The following PRKG1 variants were observed in gnomAD, a reference collection of about 807,000 sequenced individuals.
PRKG1 encodes the protein cGMP-dependent protein kinase 1.
PRKG1 carries 35 observed loss-of-function variants against 88.1 expected under a neutral mutation model. That is an observed-to-expected ratio of 0.40 (90% CI 0.30 to 0.53). The LOEUF is 0.53. Ranked by LOEUF, PRKG1 falls within the 20% of genes least tolerant of loss-of-function variation. The pLI is 0.59. For synonymous variants in PRKG1, 303 were observed against 292.5 expected, an observed-to-expected ratio of 1.04 and a Z score of -0.37; for missense variants, 540 against 839.8, an observed-to-expected ratio of 0.64 and a Z score of 4.41.
chr10:52,170,390 A>T (rs1838633059), intron 9 of PRKG1, among the ~76,000 whole-genome samples: 1 of 152,196 alleles, frequency 6.6e-6, no homozygotes, highest in Non-Finnish European at 1.5e-5. Context: ...ATTAGAAGTA[A>T]ACAAGAAAGA....
intron 9 of PRKG1, among the ~76,000 whole-genome samples, chr10:52,224,887 A>G (rs1179215131): frequency 1.4e-5 from 2 of 147,670 alleles, no homozygotes; most frequent in African/African-American, 5.0e-5. Context: ...TCATTGATTG[A>G]TGGGCATTTG....
intron 5 of PRKG1, among the ~76,000 whole-genome samples, chr10:52,042,692 C>T (rs1845779111): frequency 6.6e-6 from 1 of 152,034 alleles, no homozygotes; most frequent in South Asian, 2.1e-4. Context: ...ACCTCAAAAG[C>T]ACAGGCAACA....
At chr10:52,089,359 AT>A (rs1846993988) in intron 7 of PRKG1, among the ~76,000 whole-genome samples, 1 of 152,210 alleles carries the variant, frequency 6.6e-6, no homozygotes, top group Admixed American at 6.5e-5. Context: ...CTTGAATTAC[AT>A]TTGGTTGGCC....
At chr10:51,245,958 GA>G (rs916320598) in intron 2 of PRKG1, among the ~76,000 whole-genome samples, 2 of 152,092 alleles carry the variant, frequency 1.3e-5, no homozygotes, top group African/African-American at 4.8e-5. Context: ...AAACAATCCA[GA>G]ATGGCTTGAG....
intron 5 of PRKG1, among the ~76,000 whole-genome samples, chr10:52,016,845 T>TA (rs2133182678): frequency 1.3e-5 from 2 of 151,964 alleles, no homozygotes; most frequent in South Asian, 4.2e-4. Context: ...CAGAACAAGG[T>TA]AAAATACAGA....
rs535491195 is a variant in PRKG1, at chr10:51,489,366, C to T, written c.592+21530C>T. On this transcript the variant is annotated intron_variant, in intron 3 of 17. Coordinates refer to ENST00000373980, the MANE Select transcript of PRKG1 (RefSeq NM_006258.4). The stretch of plus-strand genomic sequence containing the variant: ...GAATGAATTTTGGGATTTGAAGACC[C>T]CATGTTGAGCAATGAGGCACAGTGG... Among the ~76,000 whole-genome samples the T allele has an allele frequency of 2.6e-5, 4 of 152,192 alleles. No homozygotes were observed. The East Asian group carries it at 7.8e-4, about 29-fold the overall frequency.
intron 9 of PRKG1, among the ~76,000 whole-genome samples, chr10:52,238,429 AG>A (rs1261719663): frequency 1.3e-5 from 2 of 151,144 alleles, no homozygotes; most frequent in Non-Finnish European, 1.5e-5. Context: ...CATCTGACAA[AG>A]GGCTAATATC....
At chr10:51,231,797 C>T (rs1249044484) in intron 2 of PRKG1, among the ~76,000 whole-genome samples, 1 of 151,872 alleles carries the variant, frequency 6.6e-6, no homozygotes, top group Non-Finnish European at 1.5e-5. Flanking sequence ...TTAGTGGCTA[C>T]CAAGCCAAGT....
intron 1 of PRKG1, among the ~76,000 whole-genome samples, chr10:51,137,632 T>C (rs1845720856): frequency 1.3e-5 from 2 of 152,134 alleles, no homozygotes; most frequent in South Asian, 4.2e-4. Context: ...AGGTAGCCAG[T>C]AAAGAAATAA....
intron 5 of PRKG1, among the ~76,000 whole-genome samples, chr10:51,967,463 G>A (rs1005607355): frequency 6.6e-6 from 1 of 151,944 alleles, no homozygotes; most frequent in Non-Finnish European, 1.5e-5. Context: ...TAATGTATAC[G>A]ACGTGTTAAT....
chr10:51,520,591 T>C (rs1022765414), intron 3 of PRKG1, among the ~76,000 whole-genome samples: 1 of 152,032 alleles, frequency 6.6e-6, no homozygotes, highest in Non-Finnish European at 1.5e-5. Flanking sequence ...TTGATATGAT[T>C]AAAACCCAAG....
chr10:51,129,191 C>A (rs943732989), intron 1 of PRKG1, among the ~76,000 whole-genome samples: 25 of 152,244 alleles, frequency 1.6e-4, no homozygotes, highest in African/African-American at 5.8e-4. Flanking sequence ...AAGACATAAA[C>A]AGGGCCGGGT....
intron 2 of PRKG1, among the ~76,000 whole-genome samples, chr10:51,259,746 G>A (rs1016967409): frequency 1.3e-5 from 2 of 152,160 alleles, no homozygotes; most frequent in African/African-American, 4.8e-5. Context: ...AAAGTGCTGC[G>A]ATTACAGGCA....
chr10:51,780,764 A>C (rs551377367), intron 3 of PRKG1, among the ~76,000 whole-genome samples: 1 of 152,218 alleles, frequency 6.6e-6, no homozygotes, highest in South Asian at 2.1e-4. Flanking sequence ...ATGATTGGGG[A>C]ATTTTCTTCC....
intron 2 of PRKG1, among the ~76,000 whole-genome samples, chr10:51,216,386 T>C (rs2132082275): frequency 6.6e-6 from 1 of 152,348 alleles, no homozygotes. Context: ...GATTCTGTTA[T>C]AATGTTTAAG....
chr10:52,121,642 G>T (rs1275010185), intron 7 of PRKG1, among the ~76,000 whole-genome samples: 1 of 152,162 alleles, frequency 6.6e-6, no homozygotes, highest in Non-Finnish European at 1.5e-5. Context: ...AATTCAGCCA[G>T]GTTCTTTGCC....
intron 3 of PRKG1, among the ~76,000 whole-genome samples, chr10:51,575,089 A>C (rs761521473): frequency 1.1e-4 from 17 of 152,014 alleles, no homozygotes; most frequent in Admixed American, 7.2e-4. Flanking sequence ...TCACGGCTAC[A>C]AGTGAGAGCT....
At chr10:51,988,139 T>G (rs965522762) in intron 5 of PRKG1, among the ~76,000 whole-genome samples, 1 of 152,100 alleles carries the variant, frequency 6.6e-6, no homozygotes, top group Non-Finnish European at 1.5e-5. Flanking sequence ...AAACTTTGCA[T>G]AATATCGTTA....
At chr10:51,706,030 C>T (rs911194309) in intron 3 of PRKG1, among the ~76,000 whole-genome samples, 1 of 152,202 alleles carries the variant, frequency 6.6e-6, no homozygotes, top group Non-Finnish European at 1.5e-5. Flanking sequence ...TGTGACATCA[C>T]AATCAGTGCT....
Sources: gnomAD v4.1 joint callset for allele counts (sites outside exome capture counted in the v4.1 genomes callset) on GRCh38, gnomAD v4.1.1 for gene constraint, MANE v1.5 for transcripts, NCBI Gene and HGNC (gene_info 2026-07-23, HGNC 2026-07-21) for gene names.